Variants in KDM5A observed in about 807,000 individuals in gnomAD.
KDM5A encodes the protein lysine demethylase 5A.
Under a neutral mutation model 193.5 loss-of-function variants are expected in KDM5A, and 42 were observed. That is an observed-to-expected ratio of 0.22 (90% CI 0.17 to 0.28). The LOEUF (loss-of-function observed/expected upper bound fraction) is 0.28. Among genes scored for constraint, KDM5A ranks in the 10% least tolerant of loss-of-function variants. The pLI is 1.00. For synonymous variants in KDM5A, 796 were observed against 718.1 expected, an observed-to-expected ratio of 1.11 and a Z score of -1.73; for missense variants, 1,692 against 2,055.1, an observed-to-expected ratio of 0.82 and a Z score of 3.42.
At chr12:304,658 A>G (rs1295003891) in intron 24 of KDM5A, among the ~76,000 whole-genome samples, 1 of 152,150 alleles carries the variant, frequency 6.6e-6, no homozygotes, top group African/African-American at 2.4e-5. Context: ...CCACTACCAA[A>G]GAGACAGTAA....
At chr12:378,194 A>G (rs2137489826) in intron 3 of KDM5A, among the ~76,000 whole-genome samples, 1 of 152,308 alleles carries the variant, frequency 6.6e-6, no homozygotes, top group Non-Finnish European at 1.5e-5. Flanking sequence ...GAAACAGCTA[A>G]AAGAACTGAA....
At chr12:286,010 G>T in intron 27 of KDM5A, 1 of 417,496 alleles carries the variant, frequency 2.4e-6, no homozygotes, top group Non-Finnish European at 4.5e-6. Flanking sequence ...CAATTTCTAG[G>T]CTCTAAGACA....
At chr12:372,756 C>G (rs373201874) in intron 3 of KDM5A, among the ~76,000 whole-genome samples, 3 of 152,042 alleles carry the variant, frequency 2.0e-5, no homozygotes, top group South Asian at 2.1e-4. Flanking sequence ...ATTATTTTGA[C>G]ATACGTCCCA....
intron 27 of KDM5A, among the ~76,000 whole-genome samples, chr12:288,928 TG>T (rs557711061): frequency 2.2e-4 from 33 of 152,368 alleles, no homozygotes; most frequent in African/African-American, 7.9e-4. Flanking sequence ...TGCACGCGTG[TG>T]TGTGTGTATT....
At chr12:331,979 A>G in intron 12 of KDM5A, 41 bp from the exon 13 acceptor site, 2 of 1,585,510 alleles carry the variant, frequency 1.3e-6, no homozygotes, top group South Asian at 1.1e-5. Context: ...AATAAAAAAT[A>G]AAAATAACAA....
chr12:370,012 CTCTAACAA>C (rs555913560), intron 3 of KDM5A, among the ~76,000 whole-genome samples: 42 of 152,316 alleles, frequency 2.8e-4, no homozygotes, highest in African/African-American at 9.1e-4. Flanking sequence ...GCATACAATA[CTCTAACAA>C]TCTAACCAAA....
At chr12:370,887 C>CAA (rs1443860124) in intron 3 of KDM5A, among the ~76,000 whole-genome samples, 2 of 152,086 alleles carry the variant, frequency 1.3e-5, no homozygotes, top group Non-Finnish European at 2.9e-5. Context: ...GTTCTTGTGA[C>CAA]AGTTTGCTGA....
At chr12:322,944 A>C in intron 16 of KDM5A, 138 bp downstream of exon 16, 1 of 1,121,096 alleles carries the variant, frequency 8.9e-7, no homozygotes, top group Non-Finnish European at 1.3e-6. Flanking sequence ...GTCTATATTC[A>C]ATCAACCCAT....
chr12:379,883 C>T (rs1005268671), intron 3 of KDM5A, among the ~76,000 whole-genome samples: 8 of 152,102 alleles, frequency 5.3e-5, no homozygotes, highest in Non-Finnish European at 8.8e-5. Flanking sequence ...TCTGGATGAC[C>T]GTTATAAGGA....
At chr12:331,983 ATAAC>A in intron 12 of KDM5A, 45 bp from the exon 13 acceptor site, 3 of 1,575,140 alleles carry the variant, frequency 1.9e-6, no homozygotes, top group East Asian at 2.3e-5. Context: ...AAAAATAAAA[ATAAC>A]AAACAGAGGA....
intron 17 of KDM5A, among the ~76,000 whole-genome samples, chr12:322,110 T>C (rs145520591): frequency 0.02 from 3,046 of 152,018 alleles, 49 homozygotes; most frequent in Middle Eastern, 0.044. Flanking sequence ...TTCAAAGAGG[T>C]AGGTAAGGGA....
At chr12:345,987 T>C (rs184327733) in intron 10 of KDM5A, among the ~76,000 whole-genome samples, 9 of 152,200 alleles carry the variant, frequency 5.9e-5, no homozygotes, top group African/African-American at 1.9e-4. Context: ...ACCTGGTTTT[T>C]TGAAAAGATC....
chr12:323,239 A>AAT, intron 15 of KDM5A, 33 bp from the exon 16 acceptor site: 1 of 1,472,774 alleles, frequency 6.8e-7, no homozygotes, highest in Non-Finnish European at 9.0e-7. Context: ...AAAAAAAAAA[A>AAT]GAAAACAGAA....
chr12:376,409 G>A (rs560725925), intron 3 of KDM5A, among the ~76,000 whole-genome samples: 31 of 152,212 alleles, frequency 2.0e-4, no homozygotes, highest in Non-Finnish European at 3.4e-4. Flanking sequence ...CTGGTGTGCC[G>A]TTTGCTAAGA....
At chr12:372,681 G>A (rs1944444926) in intron 3 of KDM5A, among the ~76,000 whole-genome samples, 1 of 152,118 alleles carries the variant, frequency 6.6e-6, no homozygotes, top group Non-Finnish European at 1.5e-5. Context: ...GTTTTCAAAG[G>A]GAATGCTTCC....
chr12:289,944 A>C (rs1464874879), intron 27 of KDM5A, among the ~76,000 whole-genome samples: 2 of 104,664 alleles, frequency 1.9e-5, no homozygotes, highest in African/African-American at 8.1e-5. Flanking sequence ...TCATCTTGCC[A>C]ATCTTTTTCT....
At chr12:378,943 A>C (rs1425773753) in intron 3 of KDM5A, among the ~76,000 whole-genome samples, 1 of 141,754 alleles carries the variant, frequency 7.1e-6, no homozygotes, top group African/African-American at 2.7e-5. Context: ...TGGGTGACAG[A>C]GTGAGACTCC....
chr12:377,663 G>A (rs1312398645), intron 3 of KDM5A, among the ~76,000 whole-genome samples: 1 of 152,090 alleles, frequency 6.6e-6, no homozygotes, highest in Non-Finnish European at 1.5e-5. Flanking sequence ...CAAGCAAAAG[G>A]TCCTAAAAAA....
Position 333,553 on chromosome 12 carries a change from C to T in KDM5A, c.1587G>A (p.Gln529=), listed in dbSNP as rs780927474. Residue 529 remains glutamine (Q), a synonymous_variant, in exon 12 of 28, where the codon CAG becomes CAA. Coordinates refer to ENST00000399788, the MANE Select transcript of KDM5A (RefSeq NM_001042603.3). Reference sequence around the variant, plus strand: ...TAACTAACTGATGCAGAAGATCAGGCTGGGATTCAAATAACTCGGGGGCCA... The same window carrying T: ...TAACTAACTGATGCAGAAGATCAGGTTGGGATTCAAATAACTCGGGGGCCA... ...RELAPELFES[Q]PDLLHQLVTI... 1.3e-5 allele frequency: 21 copies of T among 1,614,068 alleles called. No individual in the cohort carries two copies. The South Asian group carries it at 2.2e-4, about 17-fold the overall frequency.
Sources: gnomAD v4.1 joint callset for allele counts (sites outside exome capture counted in the v4.1 genomes callset) on GRCh38, gnomAD v4.1.1 for gene constraint, MANE v1.5 for transcripts, NCBI Gene and HGNC (gene_info 2026-07-23, HGNC 2026-07-21) for gene names.